POFUT3: variants seen among roughly 807,000 people sequenced by gnomAD.
POFUT3 encodes the protein GDP-fucose protein O-fucosyltransferase 3.
At chr8:33,415,027 C>T in the POFUT3 span, among the ~76,000 whole-genome samples, 4 of 151,264 alleles carry the variant, frequency 2.6e-5, no homozygotes, top group Non-Finnish European at 5.9e-5. Context: ...TTTGGGAGGC[C>T]GAGGCAAGCA....
the POFUT3 span, among the ~76,000 whole-genome samples, chr8:33,356,963 T>A: frequency 6.6e-6 from 1 of 152,188 alleles, no homozygotes; most frequent in African/African-American, 2.4e-5. Flanking sequence ...CTCAGGTTTG[T>A]CAAAGATCAG....
chr8:33,353,185 T>G, the POFUT3 span, among the ~76,000 whole-genome samples: 2 of 152,242 alleles, frequency 1.3e-5, no homozygotes, highest in Non-Finnish European at 2.9e-5. Context: ...TAAATCTTCA[T>G]TGTTGAATGT....
At chr8:33,313,213 C>T in the POFUT3 span, among the ~76,000 whole-genome samples, 1 of 152,030 alleles carries the variant, frequency 6.6e-6, no homozygotes, top group Non-Finnish European at 1.5e-5. Context: ...AGTGGGAGTA[C>T]AATTTTTGAG....
the POFUT3 span, among the ~76,000 whole-genome samples, chr8:33,396,162 A>G: frequency 6.6e-6 from 1 of 152,056 alleles, no homozygotes; most frequent in Non-Finnish European, 1.5e-5. Flanking sequence ...ACTCACCCCC[A>G]ACAGTAGAGC....
At chr8:33,472,319 G>C in the POFUT3 span, among the ~76,000 whole-genome samples, 9 of 152,146 alleles carry the variant, frequency 5.9e-5, no homozygotes. Flanking sequence ...CGTGGTGTTA[G>C]AAAAAGTCAT....
At chr8:33,395,779 T>A in the POFUT3 span, among the ~76,000 whole-genome samples, 2 of 152,128 alleles carry the variant, frequency 1.3e-5, no homozygotes, top group Non-Finnish European at 2.9e-5. Flanking sequence ...GACACTGCCG[T>A]GGGCTGGTAT....
the POFUT3 span, chr8:33,455,690 T>C: frequency 7.5e-6 from 3 of 401,576 alleles, no homozygotes; most frequent in Non-Finnish European, 1.5e-5. Flanking sequence ...TTTCTATGTG[T>C]TAACTGCTCC....
the POFUT3 span, among the ~76,000 whole-genome samples, chr8:33,446,447 A>T: frequency 8.7e-6 from 1 of 115,424 alleles, no homozygotes; most frequent in African/African-American, 3.8e-5. Context: ...ACAAGGCAAG[A>T]TCCTATTACA....
the POFUT3 span, chr8:33,453,561 G>T: frequency 2.1e-6 from 3 of 1,439,790 alleles, no homozygotes; most frequent in Non-Finnish European, 2.8e-6. Flanking sequence ...ATTTCCTTTT[G>T]CACATCTCTC....
At chr8:33,440,096 C>T in the POFUT3 span, among the ~76,000 whole-genome samples, 75 of 152,068 alleles carry the variant, frequency 4.9e-4, no homozygotes, top group Admixed American at 7.9e-4. Flanking sequence ...AACCTGATGG[C>T]TCATACCTGT....
chr8:33,467,809 G>A, the POFUT3 span, among the ~76,000 whole-genome samples: 2 of 152,228 alleles, frequency 1.3e-5, no homozygotes, highest in African/African-American at 4.8e-5. Context: ...GAGGGTGCCA[G>A]CTTCAAATTT....
At chr8:33,370,345 ACTT>A in the POFUT3 span, among the ~76,000 whole-genome samples, 2 of 152,120 alleles carry the variant, frequency 1.3e-5, no homozygotes, top group Non-Finnish European at 2.9e-5. Flanking sequence ...ATAGAGCAAG[ACTT>A]CTTCTCAAAA....
chr8:33,336,757 T>C, the POFUT3 span, among the ~76,000 whole-genome samples: 2 of 152,256 alleles, frequency 1.3e-5, no homozygotes, highest in Admixed American at 1.3e-4. Context: ...GAACTGTTCC[T>C]GATAGTGAGA....
At chr8:33,319,502 AT>A in the POFUT3 span, among the ~76,000 whole-genome samples, 2 of 24,274 alleles carry the variant, frequency 8.2e-5, no homozygotes, top group Admixed American at 6.5e-4. Context: ...AAATATATAT[AT>A]TTTTATATAT....
At chr8:33,333,057 A>G in the POFUT3 span, among the ~76,000 whole-genome samples, 1 of 152,192 alleles carries the variant, frequency 6.6e-6, no homozygotes, top group African/African-American at 2.4e-5. Context: ...GCTATTTTCC[A>G]TCTATTGGTG....
chr8:33,403,053 C>A, the POFUT3 span, among the ~76,000 whole-genome samples: 3 of 150,656 alleles, frequency 2.0e-5, no homozygotes, highest in African/African-American at 4.9e-5. Context: ...AAAGTGAAAC[C>A]GTGTCTCAAA....
At chr8:33,408,490 T>C in the POFUT3 span, among the ~76,000 whole-genome samples, 12 of 152,078 alleles carry the variant, frequency 7.9e-5, no homozygotes, top group African/African-American at 2.4e-4. Flanking sequence ...AGTCATTTCC[T>C]GGGCACACTC....
the POFUT3 span, among the ~76,000 whole-genome samples, chr8:33,336,814 T>C: frequency 2.0e-5 from 3 of 152,130 alleles, no homozygotes; most frequent in South Asian, 2.1e-4. Flanking sequence ...AGCAGGAACA[T>C]TGAAGGGCCA....
At chr8:33,423,379 C>T in the POFUT3 span, among the ~76,000 whole-genome samples, 1 of 152,102 alleles carries the variant, frequency 6.6e-6, no homozygotes, top group Non-Finnish European at 1.5e-5. Context: ...AGTGATCCTC[C>T]TTCCTCAGCC....
Sources: allele counts gnomAD v4.1 joint callset (sites outside exome capture counted in the v4.1 genomes callset), GRCh38; gene constraint gnomAD v4.1.1; transcripts MANE v1.5; gene names NCBI Gene and HGNC (gene_info 2026-07-23, HGNC 2026-07-21).